Variants in PTGES3L observed in about 807,000 individuals in gnomAD.
PTGES3L encodes the protein prostaglandin E synthase 3 like, also known as putative protein PTGES3L.
A neutral mutation model predicts 25.0 loss-of-function variants in PTGES3L; 17 were observed. The ratio of observed to expected loss-of-function variants is 0.68; its 90% CI spans 0.47 to 1.02. The LOEUF is 1.02. Ranked by LOEUF, PTGES3L falls within the 50% of genes least tolerant of loss-of-function variation. The probability of loss-of-function intolerance (pLI) is 0.00; values close to 1 mark genes in which losing one functional copy is unlikely to be tolerated. For missense variants in PTGES3L, 202 were observed against 197.5 expected (o/e 1.02, Z -0.14); for synonymous variants, 59 against 65.7 (o/e 0.90, Z 0.50).
intron 4 of PTGES3L, among the ~76,000 whole-genome samples, chr17:42,973,906 T>C (rs1287471445): frequency 7.1e-6 from 1 of 140,468 alleles, no homozygotes; most frequent in African/African-American, 2.6e-5. Context: ...CTTTGTTCAC[T>C]TGTTTATCTG....
At position 42,969,024 on chromosome 17, in the gene PTGES3L, A is replaced by G; in HGVS notation, c.*124T>C. On this transcript the variant is annotated 3_prime_UTR_variant, in exon 7 of 7. Transcript: ENST00000591916. ...CGACCCTTAATAAAGAGCTTCTAGG[A>G]AAGTTCAGAGATCTCAGAAGAACTT... 2.9e-6 allele frequency: 2 copies of G among 681,872 alleles called. No homozygotes were observed. The highest frequency in any genetic ancestry group is 5.1e-6 in the Non-Finnish European group (2 of 394,222). The allele number at this position is 681,872 out of a possible 1,614,324, so 42.2% of individuals were successfully genotyped here. A position where few individuals can be genotyped will look rare whatever the true frequency, so the allele number is the denominator to read the frequency against.
chr17:42,977,935 G>A (rs1032856563), intron 4 of PTGES3L, among the ~76,000 whole-genome samples: 7 of 151,504 alleles, frequency 4.6e-5, no homozygotes, highest in South Asian at 2.1e-4. Flanking sequence ...AAAATTAGCT[G>A]GGTGTGGTGG....
intron 4 of PTGES3L, among the ~76,000 whole-genome samples, chr17:42,972,971 G>A (rs1225134232): frequency 1.4e-5 from 2 of 145,900 alleles, no homozygotes; most frequent in Non-Finnish European, 3.0e-5. Context: ...CCTCTGCCCC[G>A]CTGCCCCATC....
chr17:42,971,160 A>C (rs691019), intron 5 of PTGES3L, among the ~76,000 whole-genome samples: 149,246 of 152,110 alleles, frequency 0.98, 73,285 homozygotes, highest in Middle Eastern at 1. Context: ...ATTATCCAGA[A>C]GTGGTGGTGG....
At chr17:42,977,402 G>A (rs1477167169) in intron 4 of PTGES3L, among the ~76,000 whole-genome samples, 3 of 149,074 alleles carry the variant, frequency 2.0e-5, no homozygotes, top group Non-Finnish European at 4.4e-5. Context: ...CTCCAGCCTG[G>A]GTGACAGAGT....
At chr17:42,972,899 T>C (rs1345905142) in intron 4 of PTGES3L, among the ~76,000 whole-genome samples, 3 of 122,362 alleles carry the variant, frequency 2.5e-5, no homozygotes, top group Non-Finnish European at 3.5e-5. Context: ...CCGGCCGCCA[T>C]CACATCTAGG....
Position 42,973,191 on chromosome 17 carries a change from G to T in PTGES3L, c.289-1495C>A, listed in dbSNP as rs1272236416. Among the ~76,000 whole-genome samples, 75 of 70,288 alleles carry T rather than the reference G, an allele frequency of 1.1e-3. No homozygotes were observed. In the East Asian group the frequency reaches 0.013, roughly 12 times the overall value. The allele number at this position is 70,288 out of a possible 152,430, so 46.1% of individuals were successfully genotyped here. A position where few individuals can be genotyped will look rare whatever the true frequency, so the allele number is the denominator to read the frequency against. On this transcript the variant is annotated intron_variant, in intron 4 of 6. Coordinates refer to ENST00000591916, the MANE Select transcript of PTGES3L (RefSeq NM_001261430.2). The stretch of plus-strand genomic sequence containing the variant: ...CAGCCACCCCATCCGGGAGGGAGGT[G>T]GGGGGGGGTCAGCCCCCCGCCCGGC...
intron 5 of PTGES3L, among the ~76,000 whole-genome samples, chr17:42,970,676 G>GCGCGCACACACACACACACACACA (rs1490786473): frequency 6.9e-6 from 1 of 144,092 alleles, no homozygotes; most frequent in African/African-American, 2.6e-5. Flanking sequence ...CTTAACACGC[G>GCGCGCACACACACACACACACACA]CACACACACA....
intron 4 of PTGES3L, among the ~76,000 whole-genome samples, chr17:42,977,801 G>A (rs896487556): frequency 5.3e-5 from 8 of 151,996 alleles, no homozygotes; most frequent in Non-Finnish European, 7.4e-5. Flanking sequence ...GGCAGAGGCC[G>A]GGTGCAGTGG....
At chr17:42,976,844 A>G (rs1292290195) in intron 4 of PTGES3L, among the ~76,000 whole-genome samples, 1 of 152,228 alleles carries the variant, frequency 6.6e-6, no homozygotes, top group African/African-American at 2.4e-5. Flanking sequence ...GCTGAGGGCA[A>G]TGCAGAGAAT....
chr17:42,976,985 A>G (rs953828325), intron 4 of PTGES3L, among the ~76,000 whole-genome samples: 2 of 152,168 alleles, frequency 1.3e-5, no homozygotes, highest in African/African-American at 4.8e-5. Flanking sequence ...GTAAGCCACT[A>G]CTAGAAAGAA....
intron 6 of PTGES3L, 66 bp downstream of exon 6, chr17:42,970,223 C>A: frequency 6.3e-7 from 1 of 1,591,270 alleles, no homozygotes; most frequent in Non-Finnish European, 8.6e-7. Context: ...GGGATAGGAG[C>A]TCTCTAGTGG....
At chr17:42,974,985 A>T (rs879261053) in intron 4 of PTGES3L, among the ~76,000 whole-genome samples, 4 of 151,720 alleles carry the variant, frequency 2.6e-5, no homozygotes, top group Admixed American at 6.6e-5. Context: ...AAAATACAAA[A>T]ATTAGCCAGG....
rs1366378141 is a variant in PTGES3L at position 42,968,340 on chromosome 17, G to A, written c.*808C>T. 4 of 152,074 alleles carry A rather than the reference G, an allele frequency of 2.6e-5. No individual in the cohort carries two copies. The highest frequency in any genetic ancestry group is 9.7e-5 in the African/African-American group (4 of 41,416). 9.4% of individuals were successfully genotyped at this position (152,074 alleles called of 1,614,324 possible). A position where few individuals can be genotyped will look rare whatever the true frequency, so the allele number is the denominator to read the frequency against. ...GAGGTCAGGAGTTCGAGACCAGCCT[G>A]GCCAACATGGTGAAACCCCATCTCT... On this transcript the variant is annotated 3_prime_UTR_variant, in exon 7 of 7. Transcript: ENST00000591916.
intron 2 of PTGES3L, 45 bp downstream of exon 2, chr17:42,979,505 G>A (rs771885045): frequency 6.2e-7 from 1 of 1,614,012 alleles, no homozygotes; most frequent in African/African-American, 1.3e-5. Flanking sequence ...TTAGGAAAGG[G>A]GTAGATTCCT....
At chr17:42,976,812 ATG>A (rs1405350047) in intron 4 of PTGES3L, among the ~76,000 whole-genome samples, 1 of 152,226 alleles carries the variant, frequency 6.6e-6, no homozygotes, top group African/African-American at 2.4e-5. Context: ...TCAGGGTCAA[ATG>A]TGTGTTTTAG....
Position 42,979,183 on chromosome 17 carries a change from T to A in PTGES3L, c.275A>T (p.Lys92Met). 6.2e-7 allele frequency: 1 copy of A among 1,614,140 alleles called. No individual in the cohort carries two copies. The highest frequency in any genetic ancestry group is 8.5e-7 in the Non-Finnish European group (1 of 1,180,016). Residue 92 changes from lysine (K) to methionine (M), a missense_variant, in exon 4 of 7, where the codon AAG (lysine) becomes ATG (methionine). Transcript: ENST00000591916. ...KEKVAWPRLT[K>M]EDIKPVWLSV... is the part of the protein sequence containing the mutation. ...CCACACACCCACCTTGATATCCTCC[T>A]TGGTAAGCCGCGGCCAGGCCACCTT...
chr17:42,980,069 A>G lies in PTGES3L; in HGVS notation c.-16T>C. 6.4e-7 allele frequency: 1 copy of G among 1,551,380 alleles called. No individual in the cohort carries two copies. Among genetic ancestry groups the G allele is most frequent in the Non-Finnish European group, 8.7e-7 (1 of 1,146,920 alleles). ...ACCGTGCCATTGCGGCTCCCGCTCCAGGGTGGCATTTAGAGTTCCAGGCAG... is the reference window on the plus strand; with the variant it reads ...ACCGTGCCATTGCGGCTCCCGCTCCGGGGTGGCATTTAGAGTTCCAGGCAG... On this transcript the variant is annotated 5_prime_UTR_variant, in exon 1 of 7. Transcript: ENST00000591916.
intron 1 of PTGES3L, 128 bp from the exon 2 acceptor site, chr17:42,979,791 G>T: frequency 2.1e-6 from 3 of 1,434,124 alleles, no homozygotes; most frequent in Non-Finnish European, 9.5e-7. Flanking sequence ...AGACAGAAGG[G>T]GTGAAAGGGA....
Sources: allele counts gnomAD v4.1 joint callset (sites outside exome capture counted in the v4.1 genomes callset), GRCh38; gene constraint gnomAD v4.1.1; transcripts MANE v1.5; gene names NCBI Gene and HGNC (gene_info 2026-07-23, HGNC 2026-07-21).